The following CYBRD1 variants were observed in gnomAD, a reference collection of about 807,000 sequenced individuals.
The protein encoded by CYBRD1 is plasma membrane ascorbate-dependent reductase CYBRD1.
A neutral mutation model predicts 21.9 loss-of-function variants in CYBRD1; 14 were observed. That is an observed-to-expected ratio of 0.64 (90% CI 0.42 to 1.00). The LOEUF (loss-of-function observed/expected upper bound fraction) is 1.00, where lower values mean the gene tolerates loss of function less well. Among genes scored for constraint, CYBRD1 ranks in the 50% least tolerant of loss-of-function variants. The probability of loss-of-function intolerance (pLI) is 0.00; values close to 1 mark genes in which losing one functional copy is unlikely to be tolerated. For synonymous variants in CYBRD1, 146 were observed against 136.5 expected, an observed-to-expected ratio of 1.07 and a Z score of -0.48; for missense variants, 328 against 352.5, an observed-to-expected ratio of 0.93 and a Z score of 0.56.
intron 3 of CYBRD1, among the ~76,000 whole-genome samples, chr2:171,553,928 A>G (rs1335025666): frequency 2.6e-5 from 4 of 152,224 alleles, no homozygotes; most frequent in Non-Finnish European, 4.4e-5. Flanking sequence ...CAACAAAAGC[A>G]GAGAGTTACT....
intron 1 of CYBRD1, among the ~76,000 whole-genome samples, chr2:171,528,874 G>GT (rs1460583786): frequency 6.6e-6 from 1 of 152,198 alleles, no homozygotes; most frequent in Non-Finnish European, 1.5e-5. Flanking sequence ...GCAGTCATCT[G>GT]TGATTCTTCT....
intron 1 of CYBRD1, among the ~76,000 whole-genome samples, chr2:171,523,615 G>C (rs1012779833): frequency 9.9e-5 from 15 of 152,148 alleles, no homozygotes; most frequent in African/African-American, 3.1e-4. Flanking sequence ...GGCGCAAGCT[G>C]CGTCCGTGTT....
rs969832189 is a variant in CYBRD1, at chr2:171,556,887, G to C, written c.*2060G>C. The C allele has an allele frequency of 6.6e-6, 1 of 152,368 alleles. No individual in the cohort carries two copies. The highest frequency in any genetic ancestry group is 1.5e-5 in the Non-Finnish European group (1 of 68,026). 9.4% of individuals were successfully genotyped at this position (152,368 alleles called of 1,614,324 possible). A position where few individuals can be genotyped will look rare whatever the true frequency, so the allele number is the denominator to read the frequency against. ...TTACATAGAGGAACACAAAATTCCA[G>C]GGTTTTTGGAGGAAGGGATTAGATA... On this transcript the variant is annotated 3_prime_UTR_variant, in exon 4 of 4. Transcript: ENST00000321348.
chr2:171,537,839 A>C (rs922449709), intron 1 of CYBRD1, among the ~76,000 whole-genome samples: 3 of 152,230 alleles, frequency 2.0e-5, no homozygotes, highest in African/African-American at 7.2e-5. Context: ...AAGTAGCTAA[A>C]AGAGAGGATA....
At chr2:171,554,488 T>C in intron 3 of CYBRD1, 36 bp from the exon 4 acceptor site, 1 of 1,608,080 alleles carries the variant, frequency 6.2e-7, no homozygotes, top group South Asian at 1.1e-5. Context: ...TGCTGTATCA[T>C]CCTGTTTGTA....
intron 2 of CYBRD1, among the ~76,000 whole-genome samples, chr2:171,549,898 C>T (rs946980399): frequency 6.6e-6 from 1 of 152,118 alleles, no homozygotes; most frequent in Non-Finnish European, 1.5e-5. Flanking sequence ...ATGGAATATT[C>T]CACTACCTTC....
At chr2:171,522,416 G>A, upstream of CYBRD1, 1 of 1,508,622 alleles carries the variant, frequency 6.6e-7, no homozygotes, top group Non-Finnish European at 8.9e-7. This position sits in a 1 kb window ranked among gnomAD's most constrained non-coding sequence, Gnocchi z 4.3. Flanking sequence ...AGCCCAGAAA[G>A]TCCCTCCCCG....
chr2:171,546,015 T>C (rs1697707944), intron 2 of CYBRD1, among the ~76,000 whole-genome samples: 1 of 152,370 alleles, frequency 6.6e-6, no homozygotes, highest in East Asian at 1.9e-4. Flanking sequence ...TCTCTTTTGC[T>C]GTCTGAAATA....
chr2:171,548,997 G>A (rs1697762026), intron 2 of CYBRD1, among the ~76,000 whole-genome samples: 1 of 152,124 alleles, frequency 6.6e-6, no homozygotes, highest in African/African-American at 2.4e-5. Context: ...TGCCATAGTA[G>A]TATACATTTA....
At chr2:171,540,067 A>G (rs1256311172) in intron 1 of CYBRD1, among the ~76,000 whole-genome samples, 1 of 152,170 alleles carries the variant, frequency 6.6e-6, no homozygotes, top group African/African-American at 2.4e-5. Context: ...TACATGCAGA[A>G]TGATGAATCT....
At chr2:171,534,310 T>A (rs1177465936) in intron 1 of CYBRD1, among the ~76,000 whole-genome samples, 1 of 152,344 alleles carries the variant, frequency 6.6e-6, no homozygotes, top group East Asian at 1.9e-4. Context: ...TCTTGTGGGC[T>A]TAGGGGACCT....
intron 2 of CYBRD1, among the ~76,000 whole-genome samples, chr2:171,542,661 T>C (rs1280484148): frequency 1.3e-5 from 2 of 152,196 alleles, no homozygotes; most frequent in African/African-American, 2.4e-5. Context: ...AGTGGATCGC[T>C]TAAGCCCAGA....
intron 2 of CYBRD1, among the ~76,000 whole-genome samples, chr2:171,548,847 G>A (rs1559320162): frequency 6.6e-6 from 1 of 151,866 alleles, no homozygotes. Context: ...GCTCACGCCT[G>A]TAATCCCAAC....
At chr2:171,552,167 T>C (rs567712056) in intron 2 of CYBRD1, among the ~76,000 whole-genome samples, 1 of 152,350 alleles carries the variant, frequency 6.6e-6, no homozygotes, top group Non-Finnish European at 1.5e-5. Context: ...TCCTATAGCA[T>C]GTTCTGTCCT....
At chr2:171,530,912 C>T (rs1697455364) in intron 1 of CYBRD1, among the ~76,000 whole-genome samples, 1 of 152,152 alleles carries the variant, frequency 6.6e-6, no homozygotes, top group South Asian at 2.1e-4. Flanking sequence ...CACAGTGGCT[C>T]ATGCCTGTAA....
intron 2 of CYBRD1, among the ~76,000 whole-genome samples, chr2:171,542,557 A>G (rs559769863): frequency 2.6e-5 from 4 of 152,306 alleles, no homozygotes; most frequent in Admixed American, 2.6e-4. Context: ...ACAATTAGCA[A>G]TAAAGAGAAT....
chr2:171,530,231 G>C (rs1486312013), intron 1 of CYBRD1, among the ~76,000 whole-genome samples: 1 of 152,148 alleles, frequency 6.6e-6, no homozygotes, highest in Admixed American at 6.5e-5. Context: ...AGAACTGAGA[G>C]ATAATAAATA....
chr2:171,528,990 TCTC>T (rs1326675263), intron 1 of CYBRD1, among the ~76,000 whole-genome samples: 1 of 152,222 alleles, frequency 6.6e-6, no homozygotes, highest in Non-Finnish European at 1.5e-5. Flanking sequence ...TTGTCTGTCT[TCTC>T]CTACTAGAAT....
Position 171,541,601 on chromosome 2 carries a change from A to G in CYBRD1, c.210A>G (p.Arg70=), listed in dbSNP as rs1055733673. The part of the protein sequence containing the change: ...FIQGIAIIVY[R]LPWTWKCSKL... Reference sequence around the variant, plus strand: ...TTTCCCTAGCCATCATCGTCTACAGACTGCCGTGGACCTGGAAATGCAGCA... The same window carrying G: ...TTTCCCTAGCCATCATCGTCTACAGGCTGCCGTGGACCTGGAAATGCAGCA... The change falls in exon 2 of 4, where the codon AGA becomes AGG. Residue 70 remains arginine (R), a synonymous_variant. Coordinates refer to ENST00000321348, the MANE Select transcript of CYBRD1 (RefSeq NM_024843.4). 1.2e-6 allele frequency: 2 copies of G among 1,613,940 alleles called. No individual in the cohort carries two copies. The highest frequency in any genetic ancestry group is 1.7e-6 in the Non-Finnish European group (2 of 1,179,944).
Sources: allele counts gnomAD v4.1 joint callset (sites outside exome capture counted in the v4.1 genomes callset), GRCh38; gene constraint gnomAD v4.1.1; non-coding constraint Gnocchi (gnomAD v3.1); transcripts MANE v1.5; gene names NCBI Gene and HGNC (gene_info 2026-07-23, HGNC 2026-07-21).